The following LEPR variants were observed in gnomAD, a reference collection of about 807,000 sequenced individuals.
LEPR encodes OB receptor.
Under a neutral mutation model 114.7 loss-of-function variants are expected in LEPR, and 56 were observed. That is an observed-to-expected ratio of 0.49 (90% confidence interval 0.39 to 0.61). The LOEUF (loss-of-function observed/expected upper bound fraction) is 0.61, where lower values mean the gene tolerates loss of function less well. Among genes scored for constraint, LEPR ranks in the 20% least tolerant of loss-of-function variants. LEPR has a pLI of 0.00. For missense variants in LEPR, 1,202 were observed against 1,352.9 expected (o/e 0.89, Z 1.75); for synonymous variants, 443 against 461.4 (o/e 0.96, Z 0.51).
At position 65,601,422 on chromosome 1, in the gene LEPR, C is replaced by A; in HGVS notation, c.1025C>A (p.Thr342Lys). The stretch of plus-strand genomic sequence containing the variant: ...ATATACTTTCCACCTAAAATTCTGA[C>A]AAGTGTTGGGTCTAATGTTTCTTTT... ...DVIYFPPKIL[T>K]SVGSNVSFHC... Residue 342 changes from threonine to lysine, a missense_variant, in exon 9 of 20, where the codon ACA becomes AAA. By Grantham distance (78) the Thr-to-Lys change is moderately conservative. Coordinates refer to ENST00000349533, the MANE Select transcript of LEPR (RefSeq NM_002303.6). 6.2e-7 allele frequency: 1 copy of A among 1,613,312 alleles called. No homozygotes were observed. Among genetic ancestry groups the A allele is most frequent in the Non-Finnish European group, 8.5e-7 (1 of 1,179,600 alleles).
At chr1:65,558,094 C>T (rs1335563694) in intron 2 of LEPR, among the ~76,000 whole-genome samples, 1 of 152,124 alleles carries the variant, frequency 6.6e-6, no homozygotes, top group African/African-American at 2.4e-5. Context: ...CAAAGCAATC[C>T]AGTGATATGT....
intron 2 of LEPR, chr1:65,427,665 A>G (rs1646406348): frequency 1.2e-5 from 2 of 169,710 alleles, no homozygotes. Flanking sequence ...ACCAACTGTA[A>G]ATCTAGGAGT....
At chr1:65,493,055 A>C (rs1647963069) in intron 2 of LEPR, among the ~76,000 whole-genome samples, 1 of 151,948 alleles carries the variant, frequency 6.6e-6, no homozygotes, top group Admixed American at 6.6e-5. Flanking sequence ...CATCCTGGAA[A>C]ATCCTTGCAG....
chr1:65,439,587 C>A (rs2100272934), intron 2 of LEPR, among the ~76,000 whole-genome samples: 1 of 152,012 alleles, frequency 6.6e-6, no homozygotes. Context: ...AAGGCTGAGG[C>A]AGGTGGATCA....
intron 5 of LEPR, chr1:65,577,711 C>A: frequency 5.5e-6 from 1 of 182,404 alleles, no homozygotes. Flanking sequence ...ATTTTGTTTG[C>A]TTCGAACTGT....
intron 2 of LEPR, among the ~76,000 whole-genome samples, chr1:65,471,883 G>A (rs954576630): frequency 1.3e-5 from 2 of 152,120 alleles, no homozygotes; most frequent in African/African-American, 4.8e-5. Flanking sequence ...AACATCCCGT[G>A]ATATTAGAAA....
Position 65,633,531 on chromosome 1 carries a change from T to G in LEPR, c.2674-2660T>G. On this transcript the variant is annotated intron_variant, in intron 19 of 19. Transcript: ENST00000349533. This position sits in a 1 kb window ranked among gnomAD's most constrained non-coding sequence, Gnocchi z 4.1. Reference sequence around the variant, plus strand: ...TATCTATTAAATGTCATCAAATATGTAGTAGACAATGCTGTAATTAGGTGA... The same window carrying G: ...TATCTATTAAATGTCATCAAATATGGAGTAGACAATGCTGTAATTAGGTGA... The G allele has an allele frequency of 1.9e-6, 2 of 1,042,308 alleles. No homozygotes were observed. Among genetic ancestry groups the G allele is most frequent in the Non-Finnish European group, 2.3e-6 (2 of 865,518 alleles). The allele number at this position is 1,042,308 out of a possible 1,614,324, so 64.6% of individuals were successfully genotyped here.
At chr1:65,421,292 A>G in intron 1 of LEPR, 1 of 1,500,806 alleles carries the variant, frequency 6.7e-7, no homozygotes, top group Non-Finnish European at 8.9e-7. Context: ...TAATTTTAAT[A>G]CTGCTTTCTT....
intron 15 of LEPR, among the ~76,000 whole-genome samples, chr1:65,616,760 G>A (rs560526817): frequency 2.6e-5 from 4 of 152,062 alleles, no homozygotes; most frequent in South Asian, 2.1e-4. Context: ...CTGATTAATC[G>A]GAGAATTGAG....
intron 2 of LEPR, among the ~76,000 whole-genome samples, chr1:65,477,316 G>C (rs960531316): frequency 7.9e-5 from 12 of 152,148 alleles, no homozygotes; most frequent in Non-Finnish European, 1.6e-4. Flanking sequence ...TAGAATGTCA[G>C]CTCCATAAGG....
rs1658746396 is a variant in LEPR, at chr1:65,637,162, A to G, written c.*147A>G. ...GAATGTTGTCTGTTTGTTCTCTCTTAGTAACATAGACAAAAAATTTGAGAA... is the reference window on the plus strand; with the variant it reads ...GAATGTTGTCTGTTTGTTCTCTCTTGGTAACATAGACAAAAAATTTGAGAA... On this transcript the variant is annotated 3_prime_UTR_variant, in exon 20 of 20. Coordinates refer to ENST00000349533, the MANE Select transcript of LEPR (RefSeq NM_002303.6). 4 of 930,642 alleles carry G rather than the reference A, an allele frequency of 4.3e-6. No homozygotes were observed. The highest frequency in any genetic ancestry group is 4.6e-6 in the Non-Finnish European group (3 of 646,648). 57.6% of individuals were successfully genotyped at this position (930,642 alleles called of 1,614,324 possible).
At chr1:65,548,096 G>A (rs1239564687) in intron 2 of LEPR, among the ~76,000 whole-genome samples, 1 of 152,074 alleles carries the variant, frequency 6.6e-6, no homozygotes, top group Non-Finnish European at 1.5e-5. Flanking sequence ...AGGTTGTTCA[G>A]TTACCATGTA....
At chr1:65,470,623 G>A (rs937963477) in intron 2 of LEPR, among the ~76,000 whole-genome samples, 6 of 152,154 alleles carry the variant, frequency 3.9e-5, no homozygotes, top group African/African-American at 1.4e-4. Flanking sequence ...ATTTTAGTGG[G>A]ATGATGTACC....
rs117600945 is a variant in LEPR, at chr1:65,474,729, C to T, written c.-21+49351C>T. 5.3e-5 allele frequency among the ~76,000 whole-genome samples: 8 copies of T among 152,174 alleles called. No homozygotes were observed. The East Asian group carries it at 1.6e-3, about 30-fold the overall frequency. ...TAAATTGAAAGTAGCAAGAAAAGGC[C>T]AGGTGCGGTGGCTCATGCCTGTAAT... On this transcript the variant is annotated intron_variant, in intron 2 of 19. Coordinates refer to ENST00000349533, the MANE Select transcript of LEPR (RefSeq NM_002303.6).
intron 2 of LEPR, among the ~76,000 whole-genome samples, chr1:65,549,711 T>A (rs2767481): frequency 6.7e-6 from 1 of 149,580 alleles, no homozygotes; most frequent in African/African-American, 2.5e-5. Flanking sequence ...GTTATACATT[T>A]GTCTAAATTT....
intron 2 of LEPR, among the ~76,000 whole-genome samples, chr1:65,483,879 G>GT (rs1032817856): frequency 7.5e-5 from 11 of 147,130 alleles, no homozygotes; most frequent in Non-Finnish European, 1.1e-4. Context: ...CTTCTTCCTT[G>GT]TTTTTTTTTC....
At chr1:65,490,524 C>G (rs960273518) in intron 2 of LEPR, among the ~76,000 whole-genome samples, 4 of 151,992 alleles carry the variant, frequency 2.6e-5, no homozygotes, top group Non-Finnish European at 5.9e-5. Flanking sequence ...ACTGTTTTCT[C>G]TAATTCACTG....
At chr1:65,519,883 G>A (rs1005389116) in intron 2 of LEPR, among the ~76,000 whole-genome samples, 52 of 151,580 alleles carry the variant, frequency 3.4e-4, no homozygotes, top group African/African-American at 1.2e-3. Flanking sequence ...TTTGTTTTTT[G>A]AGATGGAGTC....
At chr1:65,601,788 A>T (rs1201471516) in intron 9 of LEPR, 55 bp from the exon 10 acceptor site, 1 of 1,581,144 alleles carries the variant, frequency 6.3e-7, no homozygotes, top group Admixed American at 1.8e-5. Flanking sequence ...AATTTTTTTC[A>T]TTGAATTTTT....
Sources: gnomAD v4.1 joint callset for allele counts (sites outside exome capture counted in the v4.1 genomes callset) on GRCh38, gnomAD v4.1.1 for gene constraint, Gnocchi (gnomAD v3.1) non-coding constraint, MANE v1.5 for transcripts, NCBI Gene and HGNC (gene_info 2026-07-23, HGNC 2026-07-21) for gene names.